Variants in ZNF232 observed in about 807,000 individuals in gnomAD.
ZNF232 encodes zinc finger and SCAN domain-containing protein 11.
A neutral mutation model predicts 25.2 loss-of-function variants in ZNF232; 25 were observed. The observed-to-expected ratio is 0.99, with a 90% CI of 0.72 to 1.39. The LOEUF (loss-of-function observed/expected upper bound fraction) is 1.39, where lower values mean the gene tolerates loss of function less well. ZNF232 is among the 40% of genes most tolerant of loss of function. The probability of loss-of-function intolerance (pLI) is 0.00; values close to 1 mark genes in which losing one functional copy is unlikely to be tolerated. For synonymous variants in ZNF232, 193 were observed against 182.9 expected (o/e 1.06, Z -0.45); for missense variants, 519 against 520.9 (o/e 1.00, Z 0.04).
intron 1 of ZNF232, among the ~76,000 whole-genome samples, chr17:5,110,650 A>G (rs972434983): frequency 1.3e-5 from 2 of 152,234 alleles, no homozygotes; most frequent in Middle Eastern, 3.2e-3. Flanking sequence ...GCTGGATCTC[A>G]TTCAAATGCC....
chr17:5,121,325 C>T (rs1454715351), intron 1 of ZNF232: 1 of 343,924 alleles, frequency 2.9e-6, no homozygotes, highest in Admixed American at 4.0e-5. Flanking sequence ...TTTCCTGTGC[C>T]CCACTTCTGA....
upstream of ZNF232, among the ~76,000 whole-genome samples, chr17:5,115,227 G>A (rs948508283): frequency 8.5e-5 from 13 of 152,112 alleles, 1 homozygote; most frequent in African/African-American, 3.1e-4. Flanking sequence ...TGGCCAGTGA[G>A]CCTCTGACTT....
intron 1 of ZNF232, among the ~76,000 whole-genome samples, chr17:5,119,387 CT>C (rs1381191753): frequency 6.6e-6 from 1 of 152,182 alleles, no homozygotes; most frequent in African/African-American, 2.4e-5. Flanking sequence ...AATAGGTGGG[CT>C]TTTATTTCAT....
At chr17:5,108,209 T>C (rs2143584586) in intron 3 of ZNF232, among the ~76,000 whole-genome samples, 1 of 152,300 alleles carries the variant, frequency 6.6e-6, no homozygotes, top group East Asian at 1.9e-4. Flanking sequence ...TCAAGTAGAC[T>C]CTTCTTGGTT....
chr17:5,111,643 A>G (rs1029761621), intron 1 of ZNF232, 157 bp downstream of exon 1: 7 of 1,047,602 alleles, frequency 6.7e-6, no homozygotes, highest in Non-Finnish European at 9.6e-6. Context: ...CAACGCAGGT[A>G]GCGCAGCGCG....
At chr17:5,109,511 G>A (rs2072343633) in exon 2 of ZNF232, 1 of 1,614,076 alleles carries the variant, frequency 6.2e-7, no homozygotes, top group Admixed American at 1.7e-5. Flanking sequence ...GGATGGTCAA[G>A]AATTGTTCCA....
At position 5,109,816 on chromosome 17, in the gene ZNF232, T is replaced by C. The variant is rs766788635; in HGVS notation, c.76A>G (p.Thr26Ala). Residue 26 changes from threonine to alanine, a missense_variant, in exon 2 of 4, where the codon ACT (threonine) becomes GCT (alanine). Physicochemically the swap from Thr to Ala is moderately conservative, Grantham distance 58 (BLOSUM62 0). Coordinates refer to ENST00000575898, the Ensembl canonical transcript of ZNF232. ...GCTGTTAGTGATACAGCCATCCTAG[T>C]CTGCACTAGCTCTGCAGAAGGCTCA... is the stretch of plus-strand genomic sequence containing the variant. 3.7e-6 allele frequency: 6 copies of C among 1,614,140 alleles called. No individual in the cohort carries two copies. The South Asian group carries it at 4.4e-5, about 12-fold the overall frequency.
intron 1 of ZNF232, among the ~76,000 whole-genome samples, chr17:5,122,200 CAGCAGGACTGGATG>C (rs1463584863): frequency 6.6e-6 from 1 of 151,966 alleles, no homozygotes; most frequent in Non-Finnish European, 1.5e-5. Flanking sequence ...TAGCTCAAAA[CAGCAGGACTGGATG>C]CCTGGATCTC....
chr17:5,111,873 G>C (rs1404364459), upstream of ZNF232: 7 of 1,610,632 alleles, frequency 4.3e-6, no homozygotes, highest in South Asian at 7.7e-5. Flanking sequence ...CCAGGGGCAG[G>C]TTTGCGCCTG....
chr17:5,120,910 G>T, intron 1 of ZNF232: 1 of 454,528 alleles, frequency 2.2e-6, no homozygotes, highest in South Asian at 1.6e-5. Flanking sequence ...AAACCAGTTG[G>T]ACCAGCCCCT....
chr17:5,108,773 C>G, intron 3 of ZNF232, 153 bp downstream of exon 3: 1 of 1,232,470 alleles, frequency 8.1e-7, no homozygotes, highest in Non-Finnish European at 1.1e-6. Context: ...ATGAAACAGG[C>G]AAAGTCTCTC....
Position 5,109,201 on chromosome 17 carries a change from GGAA to G in ZNF232, c.499-152_499-150del, listed in dbSNP as rs748636566. 9 of 1,275,424 alleles carry G rather than the reference GGAA, an allele frequency of 7.1e-6. No homozygotes were observed. The East Asian group carries it at 1.4e-4, about 20-fold the overall frequency. 79.0% of individuals were successfully genotyped at this position (1,275,424 alleles called of 1,614,324 possible). A position where few individuals can be genotyped will look rare whatever the true frequency, so the allele number is the denominator to read the frequency against. ...AGAGCCTCCTCAGAGTCAGCACAAGGGAAGAAGAGGAGCTAGAGTCTCTTTCTC... is the reference window on the plus strand; with the variant it reads ...AGAGCCTCCTCAGAGTCAGCACAAGGGAAGAGGAGCTAGAGTCTCTTTCTC... On this transcript the variant is annotated intron_variant, in intron 2 of 3. Transcript: ENST00000575898.
chr17:5,109,453 C>T lies in ZNF232; in HGVS notation c.439G>A (p.Gly147Arg), dbSNP rs185968815. Residue 147 changes from glycine to arginine, a missense_variant, in exon 2 of 4, where the codon GGA (glycine) becomes AGA (arginine). Coordinates refer to ENST00000575898, the Ensembl canonical transcript of ZNF232. ...TCCAGCACAGTCACAGCCTCCTCTC[C>T]ACTCTTAGGGTGATGTCCCCGCACC... 12 of 1,614,056 alleles carry T rather than the reference C, an allele frequency of 7.4e-6. No individual in the cohort carries two copies. The East Asian group carries it at 2.7e-4, about 36-fold the overall frequency.
chr17:5,110,962 G>A (rs547229893), intron 1 of ZNF232: 7 of 152,316 alleles, frequency 4.6e-5, no homozygotes, highest in African/African-American at 1.7e-4. Context: ...ATTCTTGTGA[G>A]GATTTGATTA....
At chr17:5,109,631 G>A in exon 2 of ZNF232, 1 of 1,614,240 alleles carries the variant, frequency 6.2e-7, no homozygotes, top group Non-Finnish European at 8.5e-7. Flanking sequence ...GAGTCTCCTG[G>A]TAGCGGAGAT....
At chr17:5,121,255 G>A in intron 1 of ZNF232, 1 of 369,392 alleles carries the variant, frequency 2.7e-6, no homozygotes, top group Non-Finnish European at 5.4e-6. Flanking sequence ...GTCTTTGTGT[G>A]CAGGTGCCTT....
chr17:5,110,822 G>A (rs972277951), intron 1 of ZNF232, among the ~76,000 whole-genome samples: 2 of 152,156 alleles, frequency 1.3e-5, no homozygotes, highest in Non-Finnish European at 1.5e-5. Context: ...AGACACACAA[G>A]CCACAGTAGG....
exon 4 of ZNF232, chr17:5,106,334 T>G (rs2072260342): frequency 6.2e-7 from 1 of 1,614,074 alleles, no homozygotes; most frequent in South Asian, 1.1e-5. Flanking sequence ...ACCACCTCAG[T>G]CTCTCCGCTT....
intron 3 of ZNF232, among the ~76,000 whole-genome samples, chr17:5,107,543 C>T (rs11653661): frequency 0.38 from 54,708 of 143,412 alleles, 12,299 homozygotes; most frequent in Non-Finnish European, 0.51. Context: ...GGTCATTTGA[C>T]TTTTTTTTTT....
Sources: gnomAD v4.1 joint callset for allele counts (sites outside exome capture counted in the v4.1 genomes callset) on GRCh38, gnomAD v4.1.1 for gene constraint, MANE v1.5 for transcripts, NCBI Gene and HGNC (gene_info 2026-07-23, HGNC 2026-07-21) for gene names.